ERC1: variants seen among roughly 807,000 people sequenced by gnomAD.
ERC1 encodes the protein RAB6 interacting protein 2.
In ERC1, 56 loss-of-function variants were observed where a neutral mutation model predicts 132.0. The ratio of observed to expected loss-of-function variants is 0.42; its 90% confidence interval spans 0.34 to 0.53. ERC1 has a LOEUF of 0.53. Among genes scored for constraint, ERC1 ranks in the 20% least tolerant of loss-of-function variants. The pLI, the probability that ERC1 is intolerant of heterozygous loss-of-function variation, is 0.03. For missense variants in ERC1, 1,202 were observed against 1,349.9 expected (o/e 0.89, Z 1.72); for synonymous variants, 478 against 476.1 (o/e 1.00, Z -0.05).
intron 2 of ERC1, among the ~76,000 whole-genome samples, chr12:1,033,822 A>G (rs1342159907): frequency 1.3e-5 from 2 of 151,352 alleles, no homozygotes; most frequent in African/African-American, 4.9e-5. Flanking sequence ...TAGAGACGGG[A>G]TTTTGCCATT....
At position 1,233,462 on chromosome 12, in the gene ERC1, C is replaced by A. The variant is rs531830594; in HGVS notation, c.2352-3307C>A. ...CTCCAGCCTGGGCAACAGAGTGAGACCCTGTCTCAAAAAAAAAAAAAAAAA... is the reference window on the plus strand; with the variant it reads ...CTCCAGCCTGGGCAACAGAGTGAGAACCTGTCTCAAAAAAAAAAAAAAAAA... On this transcript the variant is annotated intron_variant, in intron 12 of 18. Coordinates refer to ENST00000360905, the MANE Select transcript of ERC1 (RefSeq NM_178040.4). Among the ~76,000 whole-genome samples the A allele has an allele frequency of 1.5e-3, 189 of 129,476 alleles. 1 individual carries two copies. In the Middle Eastern group the frequency reaches 0.027, roughly 18 times the overall value. 84.9% of individuals were successfully genotyped at this position (129,476 alleles called of 152,430 possible). A position where few individuals can be genotyped will look rare whatever the true frequency, so the allele number is the denominator to read the frequency against.
intron 11 of ERC1, among the ~76,000 whole-genome samples, chr12:1,183,637 A>G (rs1954737811): frequency 6.6e-6 from 1 of 152,198 alleles, no homozygotes. Flanking sequence ...GTTCAGAGAA[A>G]GATTAAAATA....
rs189527769 is a variant in ERC1 at position 1,412,380 on chromosome 12, G to A, written c.3024+4133G>A. On this transcript the variant is annotated intron_variant, in intron 17 of 18. Coordinates refer to ENST00000360905, the MANE Select transcript of ERC1 (RefSeq NM_178040.4). The stretch of plus-strand genomic sequence containing the variant: ...AGCCTTACTTGATGTATCCATAGAT[G>A]GGAAGAGAATCACAGATGTACTGAG... 2.0e-5 allele frequency among the ~76,000 whole-genome samples: 3 copies of A among 152,318 alleles called. No individual in the cohort carries two copies. The East Asian group carries it at 5.8e-4, about 29-fold the overall frequency.
At chr12:1,240,458 C>G (rs749679526) in intron 13 of ERC1, among the ~76,000 whole-genome samples, 2 of 152,178 alleles carry the variant, frequency 1.3e-5, no homozygotes, top group Non-Finnish European at 2.9e-5. Context: ...ACAGATAAGA[C>G]TTCACTCTTA....
intron 17 of ERC1, among the ~76,000 whole-genome samples, chr12:1,418,633 TTCTTTC>T (rs1385016516): frequency 1.2e-5 from 1 of 85,018 alleles, no homozygotes; most frequent in Non-Finnish European, 2.2e-5. Context: ...CTTTCTTTCT[TTCTTTC>T]TTTCTCTCTC....
At chr12:1,331,518 A>T (rs566521398) in intron 15 of ERC1, among the ~76,000 whole-genome samples, 43 of 152,212 alleles carry the variant, frequency 2.8e-4, no homozygotes, top group Admixed American at 4.6e-4. Context: ...ACCCAGGGAG[A>T]TAGTGGGGCT....
chr12:1,243,492 G>C (rs2075968244), intron 13 of ERC1, among the ~76,000 whole-genome samples: 1 of 152,098 alleles, frequency 6.6e-6, no homozygotes, highest in Non-Finnish European at 1.5e-5. Flanking sequence ...AGGTCCTACT[G>C]TAGGGATGTA....
At chr12:1,048,955 C>T (rs770305436) in intron 2 of ERC1, among the ~76,000 whole-genome samples, 6 of 152,164 alleles carry the variant, frequency 3.9e-5, no homozygotes, top group Non-Finnish European at 7.4e-5. Context: ...TCTCTTGCTT[C>T]GGATCTCCCC....
intron 18 of ERC1, among the ~76,000 whole-genome samples, chr12:1,488,248 C>T (rs2154434473): frequency 6.6e-6 from 1 of 152,046 alleles, no homozygotes; most frequent in East Asian, 1.9e-4. Context: ...TCCCAAGTAG[C>T]TGGGATTACA....
intron 14 of ERC1, among the ~76,000 whole-genome samples, chr12:1,287,302 A>G (rs1414028624): frequency 1.3e-5 from 2 of 152,246 alleles, no homozygotes; most frequent in South Asian, 2.1e-4. Flanking sequence ...AAACTCTTAC[A>G]AAGTTTATCA....
chr12:1,332,736 T>C (rs1029204425), intron 15 of ERC1, among the ~76,000 whole-genome samples: 1 of 152,218 alleles, frequency 6.6e-6, no homozygotes, highest in African/African-American at 2.4e-5. Flanking sequence ...ATCATTTCAG[T>C]AGTTTATTTA....
At chr12:1,456,361 T>C (rs990713578) in intron 18 of ERC1, among the ~76,000 whole-genome samples, 1 of 152,174 alleles carries the variant, frequency 6.6e-6, no homozygotes, top group Non-Finnish European at 1.5e-5. Context: ...TTTGAAGGCT[T>C]AAGTATTTGG....
Position 1,173,717 on chromosome 12 carries a change from A to G in ERC1, c.1738-6823A>G, listed in dbSNP as rs187421519. Among the ~76,000 whole-genome samples, 653 of 152,372 alleles carry G rather than the reference A, an allele frequency of 4.3e-3. 6 individuals carry two copies. Among genetic ancestry groups the G allele is most frequent in the Non-Finnish European group, 6.4e-3 (438 of 68,038 alleles). ...AGAGTAAACAGCATTTATAACCTCA[A>G]CATTAGCTTGGTGAAAAAGAAGAGA... is the stretch of plus-strand genomic sequence containing the variant. On this transcript the variant is annotated intron_variant, in intron 8 of 18. Coordinates refer to ENST00000360905, the MANE Select transcript of ERC1 (RefSeq NM_178040.4).
chr12:1,189,461 G>T (rs1197602291), intron 11 of ERC1, among the ~76,000 whole-genome samples: 3 of 152,196 alleles, frequency 2.0e-5, no homozygotes, highest in Non-Finnish European at 4.4e-5. Flanking sequence ...GTGGGAGTTA[G>T]GTCTCTGCAC....
At chr12:1,135,900 G>T (rs1201213109) in intron 7 of ERC1, among the ~76,000 whole-genome samples, 1 of 152,188 alleles carries the variant, frequency 6.6e-6, no homozygotes, top group African/African-American at 2.4e-5. Context: ...GAGTAAAACA[G>T]TTAGGTTTTT....
At chr12:1,128,108 T>A (rs1948398215) in intron 7 of ERC1, among the ~76,000 whole-genome samples, 1 of 151,336 alleles carries the variant, frequency 6.6e-6, no homozygotes, top group Non-Finnish European at 1.5e-5. Context: ...ACGTGTAGAT[T>A]CCCACAGGTA....
chr12:1,338,139 T>A (rs1339555843), intron 15 of ERC1, among the ~76,000 whole-genome samples: 1 of 152,194 alleles, frequency 6.6e-6, no homozygotes, highest in Non-Finnish European at 1.5e-5. Flanking sequence ...TTTCAGTTGC[T>A]TACGCTCTCC....
chr12:1,025,184 A>C (rs1966844191), intron 1 of ERC1, among the ~76,000 whole-genome samples: 1 of 152,144 alleles, frequency 6.6e-6, no homozygotes, highest in African/African-American at 2.4e-5. Flanking sequence ...GTAGAGTATG[A>C]ACATGTTTTC....
chr12:1,373,685 C>T (rs2087523910), intron 16 of ERC1, among the ~76,000 whole-genome samples: 1 of 152,282 alleles, frequency 6.6e-6, no homozygotes, highest in Non-Finnish European at 1.5e-5. Context: ...GAGGCTGAGG[C>T]AGGAGAATCA....
Sources: gnomAD v4.1 joint callset for allele counts (sites outside exome capture counted in the v4.1 genomes callset) on GRCh38, gnomAD v4.1.1 for gene constraint, MANE v1.5 for transcripts, NCBI Gene and HGNC (gene_info 2026-07-23, HGNC 2026-07-21) for gene names.